Variants in CSNK1A1 observed in about 807,000 individuals in gnomAD.
CSNK1A1 encodes casein kinase 1 alpha 1, also known as casein kinase I isoform alpha.
A neutral mutation model predicts 46.1 loss-of-function variants in CSNK1A1; 7 were observed. The ratio of observed to expected loss-of-function variants is 0.15; its 90% CI spans 0.09 to 0.29. The LOEUF (loss-of-function observed/expected upper bound fraction) is 0.29. Among genes scored for constraint, CSNK1A1 ranks in the 10% least tolerant of loss-of-function variants. The probability of loss-of-function intolerance (pLI) is 1.00; values close to 1 mark genes in which losing one functional copy is unlikely to be tolerated. For synonymous variants in CSNK1A1, 137 were observed against 141.5 expected (o/e 0.97, Z 0.23); for missense variants, 96 against 417.1 (o/e 0.23, Z 6.71).
At position 149,551,185 on chromosome 5, in the gene CSNK1A1, T is replaced by C; in HGVS notation, c.-221A>G. On this transcript the variant is annotated 5_prime_UTR_variant, in exon 1 of 10. Coordinates refer to ENST00000377843, the MANE Select transcript of CSNK1A1 (RefSeq NM_001892.6). ...TGCCAGGCCGCAGTTTGTGAAGGGC[T>C]TCTCGGCGGTTACCAGGCTGGGCCA... The C allele has an allele frequency of 2.4e-6, 1 of 411,052 alleles. No individual in the cohort carries two copies. The highest frequency in any genetic ancestry group is 4.2e-5 in the Admixed American group (1 of 24,088). The allele number at this position is 411,052 out of a possible 1,614,324, so 25.5% of individuals were successfully genotyped here.
intron 3 of CSNK1A1, among the ~76,000 whole-genome samples, chr5:149,524,194 T>G (rs1286391504): frequency 6.6e-6 from 1 of 152,174 alleles, no homozygotes; most frequent in African/African-American, 2.4e-5. Context: ...CTCTTCCTTT[T>G]TATGTGATAG....
chr5:149,544,617 G>C (rs992089170), intron 2 of CSNK1A1, among the ~76,000 whole-genome samples: 2 of 150,996 alleles, frequency 1.3e-5, no homozygotes, highest in African/African-American at 4.9e-5. Flanking sequence ...TTGAACAAAA[G>C]GGGCTTGAAA....
intron 2 of CSNK1A1, chr5:149,545,829 T>C (rs540323770): frequency 4.8e-6 from 2 of 417,950 alleles, no homozygotes; most frequent in South Asian, 2.8e-5. Context: ...GCTCTCCAAG[T>C]GCCTAGAACC....
In CSNK1A1 at chr5:149,496,864, G is replaced by A; in HGVS notation, c.1007-4C>T. The A allele has an allele frequency of 6.5e-7, 1 of 1,546,828 alleles. No individual in the cohort carries two copies. On this transcript the variant is annotated splice_polypyrimidine_tract_variant and splice_region_variant and intron_variant, in intron 9 of 9. Coordinates refer to ENST00000377843, the MANE Select transcript of CSNK1A1 (RefSeq NM_001892.6). ...TCCTCAATTCATGCTTAGAAACCTG[G>A]TAAAAAATCAAAACAAAAAAAAAGT...
chr5:149,503,983 T>C, intron 9 of CSNK1A1: 1 of 985,456 alleles, frequency 1.0e-6, no homozygotes, highest in East Asian at 1.1e-4. Flanking sequence ...GTCCTTGGGT[T>C]AGAGACTCTG....
At chr5:149,502,520 T>TG (rs61707983) in intron 9 of CSNK1A1, 125 of 21,896 alleles carry the variant, frequency 5.7e-3, no homozygotes, top group African/African-American at 9.9e-3. Flanking sequence ...TTTTTTTTTT[T>TG]GGGGGGGGGG....
intron 7 of CSNK1A1, among the ~76,000 whole-genome samples, chr5:149,508,710 T>C (rs1761115433): frequency 6.6e-6 from 1 of 152,254 alleles, no homozygotes; most frequent in South Asian, 2.1e-4. Context: ...CTTAATGTAC[T>C]AATTGTTGAT....
At chr5:149,499,124 A>G (rs1374437598) in intron 9 of CSNK1A1, 1 of 985,284 alleles carries the variant, frequency 1.0e-6, no homozygotes, top group Non-Finnish European at 1.2e-6. Flanking sequence ...CTCAATAGGA[A>G]TATTCAACAG....
intron 5 of CSNK1A1, among the ~76,000 whole-genome samples, chr5:149,512,184 T>C (rs1470850353): frequency 6.6e-6 from 1 of 151,976 alleles, no homozygotes; most frequent in Admixed American, 6.6e-5. Context: ...CATTTCTATG[T>C]TTTGCAGAAA....
At chr5:149,546,546 T>C (rs1762488699) in intron 2 of CSNK1A1, among the ~76,000 whole-genome samples, 1 of 151,782 alleles carries the variant, frequency 6.6e-6, no homozygotes, top group South Asian at 2.1e-4. Context: ...GGCAGGAGAA[T>C]TGCTTGAACC....
intron 9 of CSNK1A1, chr5:149,497,259 A>C: frequency 1.0e-6 from 1 of 996,054 alleles, no homozygotes. Flanking sequence ...CCATAGGCAC[A>C]AATTATTTCT....
Position 149,523,695 on chromosome 5 carries a change from A to C in CSNK1A1, c.357+1350T>G, listed in dbSNP as rs537014251. Among the ~76,000 whole-genome samples the C allele has an allele frequency of 2.5e-4, 38 of 152,328 alleles. No individual in the cohort carries two copies. In the South Asian group the frequency reaches 5.4e-3, roughly 22 times the overall value. On this transcript the variant is annotated intron_variant, in intron 3 of 9. Coordinates refer to ENST00000377843, the MANE Select transcript of CSNK1A1 (RefSeq NM_001892.6). Reference sequence around the variant, plus strand: ...ATAGACAAAGTTTTTTCATTGATCTATAATAGTTGTATATATTTATGGGGT... The same window carrying C: ...ATAGACAAAGTTTTTTCATTGATCTCTAATAGTTGTATATATTTATGGGGT...
At chr5:149,526,667 T>G (rs544429441) in intron 2 of CSNK1A1, among the ~76,000 whole-genome samples, 1 of 152,302 alleles carries the variant, frequency 6.6e-6, no homozygotes, top group Non-Finnish European at 1.5e-5. Flanking sequence ...GTGCTACTCT[T>G]GTGGCTCTTC....
chr5:149,513,020 T>C lies in CSNK1A1; in HGVS notation c.596+50A>G, dbSNP rs966188626. On this transcript the variant is annotated intron_variant, in intron 5 of 9. Transcript: ENST00000377843. The stretch of plus-strand genomic sequence containing the variant: ...AAACTAAAATATTTCAAAAACCCAT[T>C]GATGGCTTCTGCTATGGCTATGATA... The C allele has an allele frequency of 1.9e-6, 3 of 1,599,874 alleles. No homozygotes were observed. The African/African-American group carries it at 4.0e-5, about 22-fold the overall frequency.
intron 9 of CSNK1A1, among the ~76,000 whole-genome samples, chr5:149,500,105 A>ACTACAG (rs988580513): frequency 1.4e-5 from 2 of 144,996 alleles, no homozygotes; most frequent in African/African-American, 5.1e-5. Flanking sequence ...AGTAGCTGGG[A>ACTACAG]CTACAGGCAC....
At chr5:149,530,965 CAAA>C (rs59281087) in intron 2 of CSNK1A1, among the ~76,000 whole-genome samples, 18,742 of 81,830 alleles carry the variant, frequency 0.23, 2,028 homozygotes, top group Middle Eastern at 0.38. Flanking sequence ...GACTCTGTCT[CAAA>C]AAAAAAAAAA....
At chr5:149,514,454 TA>T (rs1397874657) in intron 4 of CSNK1A1, among the ~76,000 whole-genome samples, 80 of 152,330 alleles carry the variant, frequency 5.3e-4, no homozygotes, top group African/African-American at 1.9e-3. Context: ...TGCTATATTT[TA>T]ATAAAAGTTA....
intron 2 of CSNK1A1, among the ~76,000 whole-genome samples, chr5:149,541,970 CAAAAAAA>C (rs1171466150): frequency 0.014 from 554 of 40,056 alleles, 6 homozygotes; most frequent in South Asian, 0.092. Flanking sequence ...GACTGCATCT[CAAAAAAA>C]AAAAAAAAAA....
At chr5:149,512,316 G>T (rs1242978307) in intron 5 of CSNK1A1, among the ~76,000 whole-genome samples, 1 of 151,450 alleles carries the variant, frequency 6.6e-6, no homozygotes, top group Non-Finnish European at 1.5e-5. Context: ...TATATATTTA[G>T]ATATATATAT....
Sources: allele counts gnomAD v4.1 joint callset (sites outside exome capture counted in the v4.1 genomes callset), GRCh38; gene constraint gnomAD v4.1.1; transcripts MANE v1.5; gene names NCBI Gene and HGNC (gene_info 2026-07-23, HGNC 2026-07-21).